OSBPL9: variants seen among roughly 807,000 people sequenced by gnomAD.
OSBPL9 encodes oxysterol binding protein like 9.
A neutral mutation model predicts 106.6 loss-of-function variants in OSBPL9; 40 were observed. That is an observed-to-expected ratio of 0.38 (90% confidence interval 0.29 to 0.49). The LOEUF (loss-of-function observed/expected upper bound fraction) is 0.49, where lower values mean the gene tolerates loss of function less well. OSBPL9 is among the 20% of genes least tolerant of loss of function. The pLI is 0.97. For synonymous variants in OSBPL9, 269 were observed against 295.4 expected, an observed-to-expected ratio of 0.91 and a Z score of 0.92; for missense variants, 609 against 887.2, an observed-to-expected ratio of 0.69 and a Z score of 3.98.
intron 3 of OSBPL9, among the ~76,000 whole-genome samples, chr1:51,684,660 A>C: frequency 6.6e-6 from 1 of 151,534 alleles, no homozygotes; most frequent in South Asian, 2.1e-4. Flanking sequence ...CCTCCCCAGT[A>C]GCTGGGATTA....
the OSBPL9 span, among the ~76,000 whole-genome samples, chr1:51,556,959 T>C: frequency 2.2e-4 from 33 of 151,364 alleles, no homozygotes; most frequent in Non-Finnish European, 2.4e-4. Flanking sequence ...CTAAAAGATG[T>C]AATGGGACTG....
At position 51,788,405 on chromosome 1, in the gene OSBPL9, TTTAA is replaced by T. The variant is rs1191259573; in HGVS notation, c.*624_*627del. 3.5e-4 allele frequency: 54 copies of T among 152,730 alleles called. No individual in the cohort carries two copies. The highest frequency in any genetic ancestry group is 1.2e-3 in the African/African-American group (51 of 41,528). The allele number at this position is 152,730 out of a possible 1,614,324, so 9.5% of individuals were successfully genotyped here. The stretch of plus-strand genomic sequence containing the variant: ...AATTGTATCTAATCCTGGATTACAG[TTTAA>T]TTAATTATTCTTAGTGCTTAAGGCT... On this transcript the variant is annotated 3_prime_UTR_variant, in exon 24 of 24. Coordinates refer to ENST00000428468, the MANE Select transcript of OSBPL9 (RefSeq NM_024586.6).
At chr1:51,706,219 A>G (rs1373250983) in intron 3 of OSBPL9, among the ~76,000 whole-genome samples, 2 of 152,204 alleles carry the variant, frequency 1.3e-5, no homozygotes, top group Non-Finnish European at 2.9e-5. Flanking sequence ...AATTATTTTA[A>G]TATTAGAGTG....
At chr1:51,707,604 G>T in intron 3 of OSBPL9, 1 of 185,138 alleles carries the variant, frequency 5.4e-6, no homozygotes, top group South Asian at 1.2e-4. Context: ...TGGCAGTGAT[G>T]GCATGGAGTG....
At chr1:51,757,285 T>C (rs1670534877) in intron 9 of OSBPL9, among the ~76,000 whole-genome samples, 1 of 152,154 alleles carries the variant, frequency 6.6e-6, no homozygotes, top group African/African-American at 2.4e-5. Context: ...GAATTAAATA[T>C]ATCAGAATTT....
the OSBPL9 span, among the ~76,000 whole-genome samples, chr1:51,521,930 T>C: frequency 6.6e-6 from 1 of 151,950 alleles, no homozygotes; most frequent in African/African-American, 2.4e-5. Flanking sequence ...CTAATTTTTT[T>C]TTTTCTAGTA....
chr1:51,655,148 A>G (rs1443676419), intron 2 of OSBPL9, among the ~76,000 whole-genome samples: 1 of 152,138 alleles, frequency 6.6e-6, no homozygotes, highest in Non-Finnish European at 1.5e-5. Context: ...TAGGTCAGAC[A>G]TCTCTGTTGG....
intron 12 of OSBPL9, 52 bp downstream of exon 12, chr1:51,766,033 A>T: frequency 6.8e-7 from 1 of 1,478,778 alleles, no homozygotes; most frequent in South Asian, 1.4e-5. Flanking sequence ...ATTTTTAAAA[A>T]TCTAATTTGA....
At chr1:51,562,541 A>C in the OSBPL9 span, among the ~76,000 whole-genome samples, 945 of 152,318 alleles carry the variant, frequency 6.2e-3, 2 homozygotes, top group Non-Finnish European at 9.0e-3. Context: ...TTTATGAGGC[A>C]GTTGTGTATT....
At chr1:51,756,410 A>G (rs1293244496) in intron 9 of OSBPL9, 52 bp downstream of exon 9, 1 of 1,544,758 alleles carries the variant, frequency 6.5e-7, no homozygotes, top group Non-Finnish European at 8.9e-7. Context: ...GAGCATTATA[A>G]CCAGTCATAT....
At chr1:51,760,485 AT>A (rs1205578090) in intron 9 of OSBPL9, 1 of 585,834 alleles carries the variant, frequency 1.7e-6, no homozygotes, top group African/African-American at 1.9e-5. Context: ...TGTGACAGAG[AT>A]TCATTCATTG....
the OSBPL9 span, among the ~76,000 whole-genome samples, chr1:51,538,463 A>C: frequency 6.6e-6 from 1 of 151,900 alleles, no homozygotes; most frequent in Admixed American, 6.6e-5. Context: ...ATTTAGATTC[A>C]TTTTTTTTCC....
intron 2 of OSBPL9, among the ~76,000 whole-genome samples, chr1:51,659,450 C>T (rs1158864525): frequency 6.6e-6 from 1 of 151,614 alleles, no homozygotes; most frequent in East Asian, 1.9e-4. Flanking sequence ...TATTACAAGA[C>T]AGATTGAGAA....
the OSBPL9 span, among the ~76,000 whole-genome samples, chr1:51,527,043 C>T: frequency 5.3e-4 from 81 of 152,158 alleles, no homozygotes; most frequent in African/African-American, 1.9e-3. Context: ...CGCGCCTGGC[C>T]TATTTACCCT....
intron 8 of OSBPL9, chr1:51,752,822 C>G (rs1669551063): frequency 3.9e-6 from 1 of 253,526 alleles, no homozygotes; most frequent in African/African-American, 2.2e-5. Flanking sequence ...AATCAGGGCC[C>G]CACCCTTATG....
At chr1:51,573,969 T>G (rs371495620), upstream of OSBPL9, 8 of 152,198 alleles carry the variant, frequency 5.3e-5, no homozygotes, top group East Asian at 1.5e-3. Context: ...TCTTTTTCTT[T>G]GTCTCCATAA....
chr1:51,638,622 C>A (rs1299257980), intron 1 of OSBPL9, among the ~76,000 whole-genome samples: 3 of 151,950 alleles, frequency 2.0e-5, no homozygotes, highest in Non-Finnish European at 2.9e-5. Context: ...GTAATCCTAT[C>A]ACTTTGAGAG....
chr1:51,630,497 A>C (rs1009392012), intron 1 of OSBPL9, among the ~76,000 whole-genome samples: 4 of 151,852 alleles, frequency 2.6e-5, no homozygotes, highest in Non-Finnish European at 5.9e-5. Context: ...CATAGAAAAG[A>C]TACAATAAAA....
the OSBPL9 span, among the ~76,000 whole-genome samples, chr1:51,551,112 G>A: frequency 5.3e-5 from 8 of 152,266 alleles, no homozygotes; most frequent in East Asian, 1.5e-3. Context: ...AAGGGAGCGG[G>A]ATGGAAATAC....
Sources: allele counts gnomAD v4.1 joint callset (sites outside exome capture counted in the v4.1 genomes callset), GRCh38; gene constraint gnomAD v4.1.1; transcripts MANE v1.5; gene names NCBI Gene and HGNC (gene_info 2026-07-23, HGNC 2026-07-21).